Variants in SLC36A4 observed in about 807,000 individuals in gnomAD.
The protein encoded by SLC36A4 is neutral amino acid uniporter 4.
In SLC36A4, 49 loss-of-function variants were observed where a neutral mutation model predicts 50.5. The ratio of observed to expected loss-of-function variants is 0.97; its 90% confidence interval spans 0.77 to 1.23. The LOEUF is 1.23. Among genes scored for constraint, SLC36A4 ranks in the 50% most tolerant of loss-of-function variants. The probability of loss-of-function intolerance (pLI) is 0.00; values close to 1 mark genes in which losing one functional copy is unlikely to be tolerated. For synonymous variants in SLC36A4, 207 were observed against 206.5 expected (o/e 1.00, Z -0.02); for missense variants, 611 against 608.4 (o/e 1.00, Z -0.05).
intron 6 of SLC36A4, among the ~76,000 whole-genome samples, chr11:93,175,187 T>C (rs1314119450): frequency 6.0e-5 from 9 of 151,090 alleles, no homozygotes; most frequent in African/African-American, 2.2e-4. Flanking sequence ...AGAGTGTATG[T>C]GTCGAGGAAT....
chr11:93,158,077 G>C (rs1053635286), intron 9 of SLC36A4, among the ~76,000 whole-genome samples: 15 of 152,256 alleles, frequency 9.9e-5, no homozygotes, highest in African/African-American at 3.6e-4. Flanking sequence ...AATTAGGAAG[G>C]AAAGAACTCC....
chr11:93,156,200 TATA>T (rs1480663232), intron 9 of SLC36A4, among the ~76,000 whole-genome samples: 2 of 152,198 alleles, frequency 1.3e-5, no homozygotes, highest in Non-Finnish European at 2.9e-5. Flanking sequence ...ATCAACAGTT[TATA>T]ATAAGTGTTG....
At chr11:93,193,360 C>T (rs959974989) in intron 1 of SLC36A4, among the ~76,000 whole-genome samples, 1 of 152,150 alleles carries the variant, frequency 6.6e-6, no homozygotes, top group Non-Finnish European at 1.5e-5. Context: ...ATTTACATTA[C>T]ACATAATGTC....
intron 7 of SLC36A4, 49 bp from the exon 8 acceptor site, chr11:93,166,065 T>C (rs1284125102): frequency 7.1e-7 from 1 of 1,403,390 alleles, no homozygotes; most frequent in African/African-American, 1.5e-5. Context: ...TTACTTATTC[T>C]AAATAATTAA....
chr11:93,166,314 C>T, intron 7 of SLC36A4: 1 of 1,082,044 alleles, frequency 9.2e-7, no homozygotes, highest in Non-Finnish European at 1.1e-6. Flanking sequence ...ATGGCTCCTG[C>T]CACAACAGGA....
chr11:93,185,053 C>T (rs558335093), intron 2 of SLC36A4, among the ~76,000 whole-genome samples: 14 of 151,972 alleles, frequency 9.2e-5, no homozygotes, highest in Admixed American at 2.0e-4. Context: ...AAGATAAACA[C>T]GAATCAATTT....
At position 93,162,816 on chromosome 11, in the gene SLC36A4, A is replaced by G. The variant is rs762493522; in HGVS notation, c.927T>C (p.Ile309=). The G allele has an allele frequency of 3.1e-6, 5 of 1,613,792 alleles. No individual in the cohort carries two copies. In the Admixed American group the frequency reaches 8.3e-5, roughly 27 times the overall value. The part of the protein sequence containing the change: ...ESKRFPQALN[I]GMGIVTTLYV... ...ACAAAGTTGTAACAATCCCCATGCC[A>G]ATATTCAACGCTTGAGGGAAACGCT... Residue 309 remains isoleucine (I), a synonymous_variant, in exon 9 of 11, where the codon ATT becomes ATC. Coordinates refer to ENST00000326402, the MANE Select transcript of SLC36A4 (RefSeq NM_152313.4).
chr11:93,167,925 A>T lies in SLC36A4; in HGVS notation c.768+19T>A. On this transcript the variant is annotated intron_variant, in intron 7 of 10. Coordinates refer to ENST00000326402, the MANE Select transcript of SLC36A4 (RefSeq NM_152313.4). ...ACATAAGAAAGATAAGAACTTAGTT[A>T]AAAACTTTTTATACTTACCCTGACA... 1.3e-6 allele frequency: 2 copies of T among 1,534,018 alleles called. No individual in the cohort carries two copies. Among genetic ancestry groups the T allele is most frequent in the South Asian group, 1.2e-5 (1 of 81,152 alleles).
At chr11:93,190,576 G>GT (rs1232707633) in intron 1 of SLC36A4, among the ~76,000 whole-genome samples, 1 of 152,100 alleles carries the variant, frequency 6.6e-6, no homozygotes, top group Non-Finnish European at 1.5e-5. Context: ...TGAGATTAAA[G>GT]TAAGTTAATT....
Position 93,197,936 on chromosome 11 carries a change from G to T in SLC36A4, c.-104C>A, listed in dbSNP as rs1015763204. Reference sequence around the variant, plus strand: ...ACCTCCCCTGCCCGGAGGGACCCGCGCCTGGTGCCCGCCTCCCTGCCCCGG... The same window carrying T: ...ACCTCCCCTGCCCGGAGGGACCCGCTCCTGGTGCCCGCCTCCCTGCCCCGG... On this transcript the variant is annotated 5_prime_UTR_variant, in exon 1 of 11. Coordinates refer to ENST00000326402, the MANE Select transcript of SLC36A4 (RefSeq NM_152313.4). 11 of 1,186,030 alleles carry T rather than the reference G, an allele frequency of 9.3e-6. No individual in the cohort carries two copies. The South Asian group carries it at 2.0e-4, about 21-fold the overall frequency. The allele number at this position is 1,186,030 out of a possible 1,614,324, so 73.5% of individuals were successfully genotyped here. A position where few individuals can be genotyped will look rare whatever the true frequency, so the allele number is the denominator to read the frequency against.
At chr11:93,197,649 C>G in intron 1 of SLC36A4, 129 bp downstream of exon 1, 5 of 1,020,370 alleles carry the variant, frequency 4.9e-6, no homozygotes, top group Non-Finnish European at 5.7e-6. Flanking sequence ...ATGCTGACCA[C>G]GGGGTCAGTT....
chr11:93,156,746 A>G (rs1242474502), intron 9 of SLC36A4, among the ~76,000 whole-genome samples: 1 of 152,118 alleles, frequency 6.6e-6, no homozygotes, highest in Non-Finnish European at 1.5e-5. Context: ...TAAATGCTGG[A>G]TATTAGACCT....
At chr11:93,170,483 G>A (rs1313499546) in intron 6 of SLC36A4, among the ~76,000 whole-genome samples, 5 of 151,902 alleles carry the variant, frequency 3.3e-5, no homozygotes, top group African/African-American at 1.2e-4. Flanking sequence ...AGAAACAAGG[G>A]GATATTTTGT....
intron 7 of SLC36A4, 25 bp from the exon 8 acceptor site, chr11:93,166,041 G>T (rs1453974144): frequency 3.9e-6 from 6 of 1,528,596 alleles, no homozygotes; most frequent in Non-Finnish European, 5.4e-6. Flanking sequence ...AAAAAAAGAA[G>T]ACCAGTTACA....
chr11:93,155,962 T>C (rs984788011), intron 9 of SLC36A4, among the ~76,000 whole-genome samples: 2 of 152,224 alleles, frequency 1.3e-5, no homozygotes, highest in Non-Finnish European at 2.9e-5. Flanking sequence ...ACATCTTCTT[T>C]ATCCAATCTA....
At chr11:93,166,116 G>A in intron 7 of SLC36A4, 100 bp from the exon 8 acceptor site, 2 of 1,247,884 alleles carry the variant, frequency 1.6e-6, no homozygotes, top group South Asian at 3.6e-5. Context: ...CTTCACAACA[G>A]CAAATGTGTT....
At chr11:93,163,775 CATGT>C (rs71305387) in intron 8 of SLC36A4, among the ~76,000 whole-genome samples, 12 of 150,362 alleles carry the variant, frequency 8.0e-5, no homozygotes, top group African/African-American at 2.4e-4. Context: ...CTAGGATTCT[CATGT>C]ATGTATGTAT....
At chr11:93,196,226 A>G (rs1329813377) in intron 1 of SLC36A4, among the ~76,000 whole-genome samples, 1 of 152,220 alleles carries the variant, frequency 6.6e-6, no homozygotes, top group Admixed American at 6.5e-5. Flanking sequence ...ACTATACCAC[A>G]ATTTAACCAA....
chr11:93,176,152 TTTAGGATAG>T (rs1470559528), intron 6 of SLC36A4, among the ~76,000 whole-genome samples: 4 of 151,618 alleles, frequency 2.6e-5, no homozygotes, highest in Non-Finnish European at 5.9e-5. Context: ...TGCATATATA[TTTAGGATAG>T]TTAGCTCTTC....
Sources: gnomAD v4.1 joint callset for allele counts (sites outside exome capture counted in the v4.1 genomes callset) on GRCh38, gnomAD v4.1.1 for gene constraint, MANE v1.5 for transcripts, NCBI Gene and HGNC (gene_info 2026-07-23, HGNC 2026-07-21) for gene names.